Variants in NRXN1 observed in about 807,000 individuals in gnomAD.
The protein encoded by NRXN1 is neurexin-1.
A neutral mutation model predicts 150.9 loss-of-function variants in NRXN1; 39 were observed. The ratio of observed to expected loss-of-function variants is 0.26; its 90% CI spans 0.20 to 0.34. The LOEUF (loss-of-function observed/expected upper bound fraction) is 0.34, where lower values mean the gene tolerates loss of function less well. Ranked by LOEUF, NRXN1 falls within the 10% of genes least tolerant of loss-of-function variation. NRXN1 has a pLI of 1.00. For missense variants in NRXN1, 1,815 were observed against 1,949.9 expected, an observed-to-expected ratio of 0.93 and a Z score of 1.30; for synonymous variants, 924 against 757.0, an observed-to-expected ratio of 1.22 and a Z score of -3.62.
chr2:50,677,990 TA>T (rs1176869743), intron 5 of NRXN1, among the ~76,000 whole-genome samples: 2 of 152,108 alleles, frequency 1.3e-5, no homozygotes, highest in African/African-American at 4.8e-5. Context: ...TTTCCTTCAT[TA>T]AAAAAATTCT....
intron 18 of NRXN1, among the ~76,000 whole-genome samples, chr2:50,190,773 C>T (rs56410927): frequency 0.019 from 2,882 of 151,608 alleles, 98 homozygotes; most frequent in African/African-American, 0.066. Context: ...CCACCATGGC[C>T]GGCTAATTTT....
At chr2:50,170,572 C>T (rs1359630609) in intron 18 of NRXN1, among the ~76,000 whole-genome samples, 10 of 152,148 alleles carry the variant, frequency 6.6e-5, no homozygotes, top group Admixed American at 4.6e-4. Flanking sequence ...TCTGGGATTA[C>T]AGGAGTAAGA....
intron 17 of NRXN1, among the ~76,000 whole-genome samples, chr2:50,297,775 G>A (rs970811928): frequency 5.3e-5 from 8 of 152,164 alleles, no homozygotes; most frequent in African/African-American, 1.4e-4. Flanking sequence ...GTGCAGCTGA[G>A]TAGAGAAGAG....
At chr2:50,468,109 T>C (rs563601399) in intron 16 of NRXN1, among the ~76,000 whole-genome samples, 2 of 151,778 alleles carry the variant, frequency 1.3e-5, no homozygotes, top group East Asian at 1.9e-4. Flanking sequence ...TTTTATCAAA[T>C]AGCTATTTGC....
intron 18 of NRXN1, among the ~76,000 whole-genome samples, chr2:50,172,197 G>A (rs1461575604): frequency 1.3e-5 from 2 of 152,036 alleles, no homozygotes; most frequent in African/African-American, 4.8e-5. Context: ...AACATTTTTG[G>A]TGGTATTGTC....
intron 21 of NRXN1, among the ~76,000 whole-genome samples, chr2:50,006,403 T>C (rs1159137): frequency 0.47 from 71,826 of 151,894 alleles, 17,559 homozygotes; most frequent in Middle Eastern, 0.62. Flanking sequence ...AAACATCAAT[T>C]GCTCTCTAAT....
In NRXN1 at chr2:49,919,868, A is replaced by G. The variant is rs1269801247; in HGVS notation, c.*2076T>C. The G allele has an allele frequency of 2.0e-5, 3 of 152,126 alleles. No homozygotes were observed. The highest frequency in any genetic ancestry group is 4.4e-5 in the Non-Finnish European group (3 of 67,970). 9.4% of individuals were successfully genotyped at this position (152,126 alleles called of 1,614,324 possible). A position where few individuals can be genotyped will look rare whatever the true frequency, so the allele number is the denominator to read the frequency against. On this transcript the variant is annotated 3_prime_UTR_variant, in exon 23 of 23. Transcript: ENST00000401669. ...TATTTCTAAGGTGCTGTATGTCTGA[A>G]ATCCAGGCCACTTCTTGGCTTTTTT...
At chr2:50,847,203 A>G (rs1653745722) in intron 5 of NRXN1, among the ~76,000 whole-genome samples, 2 of 152,204 alleles carry the variant, frequency 1.3e-5, no homozygotes, top group South Asian at 4.2e-4. Context: ...TCAGAGCATG[A>G]CCTTCCTACT....
At chr2:50,509,325 A>G (rs1454578823) in intron 12 of NRXN1, among the ~76,000 whole-genome samples, 1 of 152,184 alleles carries the variant, frequency 6.6e-6, no homozygotes, top group Non-Finnish European at 1.5e-5. Context: ...GCCCTACAGA[A>G]TGATCACACT....
chr2:50,392,638 C>A (rs1013917753), intron 17 of NRXN1, among the ~76,000 whole-genome samples: 1 of 152,030 alleles, frequency 6.6e-6, no homozygotes, highest in African/African-American at 2.4e-5. Context: ...TAATAGAGGA[C>A]AAAGAGAAAG....
intron 18 of NRXN1, among the ~76,000 whole-genome samples, chr2:50,195,938 T>G (rs1217332744): frequency 6.6e-6 from 1 of 152,064 alleles, no homozygotes; most frequent in Non-Finnish European, 1.5e-5. Flanking sequence ...TTGGATGGCC[T>G]TTCTTTTTTG....
intron 5 of NRXN1, among the ~76,000 whole-genome samples, chr2:50,715,370 G>A (rs1460532438): frequency 1.3e-5 from 2 of 152,130 alleles, no homozygotes; most frequent in African/African-American, 4.8e-5. Context: ...TCCACTACTT[G>A]ACCTTCAGTT....
At chr2:50,145,430 A>G (rs1707864541) in intron 18 of NRXN1, among the ~76,000 whole-genome samples, 1 of 151,764 alleles carries the variant, frequency 6.6e-6, no homozygotes, top group Admixed American at 6.6e-5. Context: ...TCATAATGTT[A>G]CCAACCAAAT....
chr2:50,173,805 G>A (rs780298339), intron 18 of NRXN1, among the ~76,000 whole-genome samples: 2 of 152,048 alleles, frequency 1.3e-5, no homozygotes, highest in South Asian at 2.1e-4. Context: ...TTAAATTAAT[G>A]TTAAAAAAAG....
At chr2:50,970,104 G>A in intron 2 of NRXN1, among the ~76,000 whole-genome samples, 1 of 151,944 alleles carries the variant, frequency 6.6e-6, no homozygotes, top group South Asian at 2.1e-4. Context: ...AGTCAAACAA[G>A]GTATATCAGA....
intron 2 of NRXN1, among the ~76,000 whole-genome samples, chr2:50,933,028 C>T (rs976723617): frequency 2.0e-5 from 3 of 151,724 alleles, no homozygotes; most frequent in African/African-American, 7.3e-5. Context: ...AAATTGCTTC[C>T]TCAAGAAAAA....
chr2:50,554,003 T>C (rs987345374), intron 8 of NRXN1, among the ~76,000 whole-genome samples: 7 of 152,162 alleles, frequency 4.6e-5, no homozygotes, highest in Admixed American at 3.3e-4. Flanking sequence ...TAATCACATT[T>C]CTAAAATACA....
intron 1 of NRXN1, among the ~76,000 whole-genome samples, chr2:51,029,828 A>G (rs1671192832): frequency 6.6e-6 from 1 of 152,226 alleles, no homozygotes; most frequent in East Asian, 1.9e-4. Context: ...GCATTGTCTC[A>G]ATTGCCCTAA....
At chr2:50,261,739 T>A (rs1339116073) in intron 17 of NRXN1, among the ~76,000 whole-genome samples, 2 of 152,074 alleles carry the variant, frequency 1.3e-5, no homozygotes, top group Middle Eastern at 3.4e-3. Flanking sequence ...GTGAATTCTT[T>A]ACCTCTTCCA....
Sources: gnomAD v4.1 joint callset for allele counts (sites outside exome capture counted in the v4.1 genomes callset) on GRCh38, gnomAD v4.1.1 for gene constraint, MANE v1.5 for transcripts, NCBI Gene and HGNC (gene_info 2026-07-23, HGNC 2026-07-21) for gene names.